VCL: variants seen among roughly 807,000 people sequenced by gnomAD.
VCL encodes epididymis luminal protein 114.
A neutral mutation model predicts 125.7 loss-of-function variants in VCL; 47 were observed. The ratio of observed to expected loss-of-function variants is 0.37; its 90% CI spans 0.30 to 0.48. The LOEUF (loss-of-function observed/expected upper bound fraction) is 0.48. Ranked by LOEUF, VCL falls within the 20% of genes least tolerant of loss-of-function variation. The pLI, the probability that VCL is intolerant of heterozygous loss-of-function variation, is 0.99. For synonymous variants in VCL, 458 were observed against 514.6 expected (o/e 0.89, Z 1.49); for missense variants, 1,069 against 1,455.5 (o/e 0.73, Z 4.32).
chr10:74,077,637 G>A (rs12263383), intron 6 of VCL: 8 of 435,444 alleles, frequency 1.8e-5, no homozygotes, highest in African/African-American at 1.2e-4. Context: ...ACCTCTTCTC[G>A]CCCCTACCAA....
chr10:74,111,915 A>G lies in VCL; in HGVS notation c.2752A>G (p.Ile918Val). 2 of 1,614,234 alleles carry G rather than the reference A, an allele frequency of 1.2e-6. No individual in the cohort carries two copies. The highest frequency in any genetic ancestry group is 1.7e-6 in the Non-Finnish European group (2 of 1,180,034). Reference sequence around the variant, plus strand: ...CTTCCCGCCATCGACAAAGCCGGGCATCCCAGCCGCTGAGGTGGGTATAGG... The same window carrying G: ...CTTCCCGCCATCGACAAAGCCGGGCGTCCCAGCCGCTGAGGTGGGTATAGG... ...EARKWSSKPG[I>V]PAAEVGIGVV... is the part of the protein sequence containing the mutation. The change falls in exon 19 of 22, where the codon ATC (isoleucine) becomes GTC (valine). Residue 918 changes from isoleucine (I) to valine (V), a missense_variant. Ile to Val is a conservative substitution (Grantham distance 29, BLOSUM62 3). Around this residue, in one of 6 missense-constraint regions of VCL, gnomAD observed 86 missense variants for 91.0 expected, o/e 0.95. Coordinates refer to ENST00000211998, the MANE Select transcript of VCL (RefSeq NM_014000.3).
chr10:74,098,043 AG>A (rs1241125618), intron 13 of VCL, among the ~76,000 whole-genome samples: 2 of 152,210 alleles, frequency 1.3e-5, no homozygotes, highest in Non-Finnish European at 2.9e-5. Context: ...GAGTCGGTAC[AG>A]GTGGCTTTAG....
At chr10:74,102,958 C>T (rs186762820) in intron 14 of VCL, among the ~76,000 whole-genome samples, 114 of 152,148 alleles carry the variant, frequency 7.5e-4, no homozygotes, top group South Asian at 5.2e-3. Context: ...CCTCCGCCTC[C>T]GGGGTTCAAG....
intron 16 of VCL, 86 bp downstream of exon 16, chr10:74,105,439 C>A: frequency 2.6e-6 from 4 of 1,554,752 alleles, no homozygotes; most frequent in Non-Finnish European, 3.5e-6. Context: ...CCACAACCAC[C>A]ACATACAAAG....
chr10:74,086,523 T>C (rs1005637199), intron 8 of VCL, among the ~76,000 whole-genome samples: 4 of 152,250 alleles, frequency 2.6e-5, no homozygotes, highest in Non-Finnish European at 5.9e-5. Context: ...CAGTGCAGTT[T>C]GATAGGATTC....
rs970170523 is a variant in VCL, at chr10:74,083,836, C to T, written c.1022+323C>T. On this transcript the variant is annotated intron_variant, in intron 8 of 21. Transcript: ENST00000211998. ...CCTCCCGGGTAGCTGGGATTATAGG[C>T]GCCCGCCATCACACCTGGCTAATTT... is the stretch of plus-strand genomic sequence containing the variant. 7.9e-5 allele frequency among the ~76,000 whole-genome samples: 12 copies of T among 151,828 alleles called. No individual in the cohort carries two copies. The South Asian group carries it at 2.1e-3, about 26-fold the overall frequency.
chr10:74,064,826 G>A (rs1246313652), intron 2 of VCL, among the ~76,000 whole-genome samples: 1 of 152,088 alleles, frequency 6.6e-6, no homozygotes, highest in Non-Finnish European at 1.5e-5. Flanking sequence ...CATATGTTAA[G>A]CCATGAAGCT....
chr10:74,015,486 G>A (rs1246840147), intron 1 of VCL, among the ~76,000 whole-genome samples: 3 of 152,136 alleles, frequency 2.0e-5, no homozygotes, highest in South Asian at 2.1e-4. Context: ...TGCGGGAGGT[G>A]GAGGTTGCAG....
chr10:74,030,193 A>C (rs896399920), intron 1 of VCL, among the ~76,000 whole-genome samples: 1 of 152,238 alleles, frequency 6.6e-6, no homozygotes, highest in Admixed American at 6.6e-5. Context: ...ACTGTGGTTA[A>C]CTGGAAAATG....
At chr10:74,088,950 T>C (rs1407676405) in intron 8 of VCL, among the ~76,000 whole-genome samples, 1 of 152,208 alleles carries the variant, frequency 6.6e-6, no homozygotes, top group Non-Finnish European at 1.5e-5. Flanking sequence ...TTATCAAAAT[T>C]TGCTGGCCTG....
intron 2 of VCL, among the ~76,000 whole-genome samples, chr10:74,044,990 GCA>G (rs1841170114): frequency 6.6e-6 from 1 of 151,656 alleles, no homozygotes; most frequent in Admixed American, 6.6e-5. Flanking sequence ...ACCAGCCTGG[GCA>G]ACATGGTGAA....
intron 1 of VCL, among the ~76,000 whole-genome samples, chr10:74,026,400 A>T (rs2136237060): frequency 6.6e-6 from 1 of 152,326 alleles, no homozygotes; most frequent in African/African-American, 2.4e-5. Context: ...CATCAATATT[A>T]GGCAAATTGA....
chr10:74,114,687 C>A, intron 20 of VCL, 108 bp from the exon 21 acceptor site: 1 of 1,204,566 alleles, frequency 8.3e-7, no homozygotes, highest in Non-Finnish European at 1.2e-6. Context: ...TTATCGAGTG[C>A]CTTTTCTGTG....
At chr10:74,056,311 T>G (rs755307817) in intron 2 of VCL, among the ~76,000 whole-genome samples, 2 of 151,974 alleles carry the variant, frequency 1.3e-5, no homozygotes, top group Non-Finnish European at 2.9e-5. Flanking sequence ...GGTTATTTTT[T>G]AAAATTCAGT....
At chr10:74,090,368 T>C (rs1449528217) in intron 10 of VCL, among the ~76,000 whole-genome samples, 170 bp downstream of exon 10, 1 of 152,212 alleles carries the variant, frequency 6.6e-6, no homozygotes, top group Non-Finnish European at 1.5e-5. Flanking sequence ...CTAGGTCAGA[T>C]GTTAATTTGC....
chr10:74,077,501 G>A (rs1257615094), intron 6 of VCL: 1 of 173,546 alleles, frequency 5.8e-6, no homozygotes, highest in Non-Finnish European at 1.3e-5. Context: ...TAGGATTTTG[G>A]CTCTTTTTCA....
At chr10:74,115,790 AT>A (rs1840303148) in intron 21 of VCL, among the ~76,000 whole-genome samples, 1 of 152,208 alleles carries the variant, frequency 6.6e-6, no homozygotes, top group Non-Finnish European at 1.5e-5. Flanking sequence ...TCTGATAGAG[AT>A]AGAAATAAGG....
In VCL at chr10:73,998,134, C is replaced by T. The variant is rs1418397847; in HGVS notation, c.-74C>T. 1.9e-6 allele frequency: 3 copies of T among 1,568,732 alleles called. No individual in the cohort carries two copies. The East Asian group carries it at 7.1e-5, about 37-fold the overall frequency. ...ACTCCGTAGTCGCTGCACAGTCTGT[C>T]TCTTCGCCGGTTCCCGGCCCCGTGG... On this transcript the variant is annotated 5_prime_UTR_variant, in exon 1 of 22. Transcript: ENST00000211998.
intron 20 of VCL, 28 bp downstream of exon 20, chr10:74,114,415 GTGTGTGTGT>G: frequency 8.5e-7 from 1 of 1,181,114 alleles, no homozygotes; most frequent in Non-Finnish European, 1.1e-6. Flanking sequence ...CTGCGTGTGT[GTGTGTGTGT>G]GTGTGTGTGT....
Sources: gnomAD v4.1 joint callset for allele counts (sites outside exome capture counted in the v4.1 genomes callset) on GRCh38, gnomAD v4.1.1 for gene constraint, gnomAD v4.1.1 regional missense constraint, MANE v1.5 for transcripts, NCBI Gene and HGNC (gene_info 2026-07-23, HGNC 2026-07-21) for gene names.